Variants in LPP observed in about 807,000 individuals in gnomAD.
LPP encodes lipoma-preferred partner.
A neutral mutation model predicts 60.4 loss-of-function variants in LPP; 38 were observed. The ratio of observed to expected loss-of-function variants is 0.63; its 90% CI spans 0.49 to 0.83. LPP has a LOEUF of 0.83. LPP is among the 40% of genes least tolerant of loss of function. LPP has a pLI of 0.00. For missense variants in LPP, 902 were observed against 783.6 expected (o/e 1.15, Z -1.80); for synonymous variants, 328 against 290.8 (o/e 1.13, Z -1.30).
At position 188,690,983 on chromosome 3, in the gene LPP, A is replaced by T. The variant is rs536150133; in HGVS notation, c.1114-17284A>T. On this transcript the variant is annotated intron_variant, in intron 7 of 11. Transcript: ENST00000617246. The stretch of plus-strand genomic sequence containing the variant: ...GAGACCCTTTCTTTCTTCCTTTAAG[A>T]TACTTCTATCCATATTTTTCCCTAG... Among the ~76,000 whole-genome samples, 3 of 152,186 alleles carry T rather than the reference A, an allele frequency of 2.0e-5. No individual in the cohort carries two copies. In the East Asian group the frequency reaches 5.8e-4, roughly 29 times the overall value.
intron 8 of LPP, among the ~76,000 whole-genome samples, chr3:188,739,169 G>T (rs907429637): frequency 6.6e-6 from 1 of 151,996 alleles, no homozygotes; most frequent in African/African-American, 2.4e-5. Flanking sequence ...GCTTTGGGGG[G>T]TATACAGAAA....
chr3:188,615,496 T>A (rs894360388), intron 7 of LPP, among the ~76,000 whole-genome samples: 1 of 152,226 alleles, frequency 6.6e-6, no homozygotes, highest in Non-Finnish European at 1.5e-5. Context: ...TCCAAGCATA[T>A]ATTAGACTAA....
At chr3:188,322,342 T>G (rs993030838) in intron 2 of LPP, among the ~76,000 whole-genome samples, 2 of 152,206 alleles carry the variant, frequency 1.3e-5, no homozygotes, top group African/African-American at 4.8e-5. Flanking sequence ...TGATTCGTCC[T>G]TCTTCACTGC....
intron 3 of LPP, among the ~76,000 whole-genome samples, chr3:188,385,689 C>T (rs925701303): frequency 1.6e-4 from 25 of 152,100 alleles, no homozygotes; most frequent in Admixed American, 1.4e-3. Flanking sequence ...CTTTACCAGG[C>T]GTTGTGGAAC....
chr3:188,843,982 C>T (rs1378042085), intron 9 of LPP, among the ~76,000 whole-genome samples: 1 of 152,046 alleles, frequency 6.6e-6, no homozygotes, highest in Non-Finnish European at 1.5e-5. Flanking sequence ...GTCTAAAGAG[C>T]TTGCTACAAG....
chr3:188,640,498 C>T (rs1849855005), intron 7 of LPP, among the ~76,000 whole-genome samples: 1 of 149,226 alleles, frequency 6.7e-6, no homozygotes, highest in South Asian at 2.1e-4. Context: ...TGCACATGTA[C>T]CCTAAAACTT....
intron 2 of LPP, among the ~76,000 whole-genome samples, chr3:188,334,422 CTT>C (rs71167095): frequency 1.0e-5 from 1 of 98,664 alleles, no homozygotes; most frequent in African/African-American, 4.0e-5. Flanking sequence ...ATATTTCTTT[CTT>C]TTTTTTTTTT....
At chr3:188,864,075 C>T (rs1382576248) in intron 9 of LPP, among the ~76,000 whole-genome samples, 1 of 152,102 alleles carries the variant, frequency 6.6e-6, no homozygotes, top group African/African-American at 2.4e-5. Flanking sequence ...CCTCATTCTT[C>T]AAACCATCAT....
At chr3:188,642,186 T>C (rs1267820703) in intron 7 of LPP, among the ~76,000 whole-genome samples, 1 of 152,146 alleles carries the variant, frequency 6.6e-6, no homozygotes, top group East Asian at 1.9e-4. Flanking sequence ...AAACCAGTAG[T>C]CAAGTACCCT....
chr3:188,398,543 TAAG>T (rs1295343891), intron 3 of LPP, among the ~76,000 whole-genome samples: 12 of 152,232 alleles, frequency 7.9e-5, no homozygotes, highest in African/African-American at 2.7e-4. Context: ...AAGCTGTCTG[TAAG>T]AAGAAGTTGA....
At chr3:188,288,306 A>G (rs1744671090) in intron 2 of LPP, among the ~76,000 whole-genome samples, 1 of 152,196 alleles carries the variant, frequency 6.6e-6, no homozygotes, top group Admixed American at 6.5e-5. Context: ...ATTGGAACAA[A>G]CGGGTAGTAA....
intron 9 of LPP, among the ~76,000 whole-genome samples, chr3:188,765,861 C>CTTTTTTTTTTTTTTTT: frequency 1.1e-5 from 1 of 92,618 alleles, no homozygotes; most frequent in Non-Finnish European, 2.0e-5. Flanking sequence ...ATGTTCAACT[C>CTTTTTTTTTTTTTTTT]TTTTTTTTTT....
At chr3:188,281,274 G>C (rs978176428) in intron 2 of LPP, among the ~76,000 whole-genome samples, 5 of 151,916 alleles carry the variant, frequency 3.3e-5, no homozygotes, top group African/African-American at 1.2e-4. Flanking sequence ...TTAGTGATGC[G>C]GGTTTAGAAA....
intron 7 of LPP, among the ~76,000 whole-genome samples, chr3:188,677,328 A>G (rs1040276234): frequency 1.3e-5 from 2 of 152,210 alleles, no homozygotes; most frequent in Non-Finnish European, 2.9e-5. Context: ...TCTACATAAT[A>G]GTTACTAAGT....
chr3:188,248,468 TTATATATATA>T (rs55811112), intron 2 of LPP, among the ~76,000 whole-genome samples: 22 of 84,154 alleles, frequency 2.6e-4, no homozygotes, highest in East Asian at 6.0e-4. Context: ...CAGTATAACT[TTATATATATA>T]TATATATATA....
At chr3:188,561,974 CG>C (rs1441496782) in intron 6 of LPP, among the ~76,000 whole-genome samples, 19 of 151,846 alleles carry the variant, frequency 1.3e-4, no homozygotes, top group Admixed American at 1.2e-3. Flanking sequence ...GAGCAGTTGG[CG>C]TTAAGGTTGA....
intron 5 of LPP, among the ~76,000 whole-genome samples, chr3:188,488,073 C>A (rs903069833): frequency 4.8e-5 from 7 of 146,938 alleles, no homozygotes; most frequent in Admixed American, 2.0e-4. Flanking sequence ...AGGGATGGAT[C>A]CTCTGGTTTC....
chr3:188,870,054 A>G (rs1386782568), intron 10 of LPP, among the ~76,000 whole-genome samples: 1 of 152,126 alleles, frequency 6.6e-6, no homozygotes, highest in African/African-American at 2.4e-5. Context: ...TTAGATTTAC[A>G]TCTTAATCTC....
intron 2 of LPP, among the ~76,000 whole-genome samples, chr3:188,304,695 T>C (rs886719249): frequency 6.6e-6 from 1 of 152,208 alleles, no homozygotes; most frequent in Non-Finnish European, 1.5e-5. Flanking sequence ...AATTGTAGAC[T>C]TGAAATATCT....
Sources: gnomAD v4.1 joint callset for allele counts (sites outside exome capture counted in the v4.1 genomes callset) on GRCh38, gnomAD v4.1.1 for gene constraint, MANE v1.5 for transcripts, NCBI Gene and HGNC (gene_info 2026-07-23, HGNC 2026-07-21) for gene names.